Variants in LRBA observed in about 807,000 individuals in gnomAD.
The protein encoded by LRBA is lipopolysaccharide-responsive and beige-like anchor protein.
In LRBA, 176 loss-of-function variants were observed where a neutral mutation model predicts 330.0. The ratio of observed to expected loss-of-function variants is 0.53; its 90% confidence interval spans 0.47 to 0.60. LRBA has a LOEUF of 0.60. Among genes scored for constraint, LRBA ranks in the 20% least tolerant of loss-of-function variants. The pLI is 0.00. For missense variants in LRBA, 3,259 were observed against 3,444.8 expected, an observed-to-expected ratio of 0.95 and a Z score of 1.35; for synonymous variants, 1,230 against 1,193.0, an observed-to-expected ratio of 1.03 and a Z score of -0.64.
At chr4:150,750,776 C>T (rs1383697779) in intron 35 of LRBA, among the ~76,000 whole-genome samples, 2 of 151,880 alleles carry the variant, frequency 1.3e-5, no homozygotes, top group African/African-American at 4.8e-5. Context: ...GTAGGTACGG[C>T]ATATATTATA....
intron 37 of LRBA, among the ~76,000 whole-genome samples, chr4:150,616,939 A>C (rs542942818): frequency 6.6e-6 from 1 of 152,334 alleles, no homozygotes; most frequent in East Asian, 1.9e-4. Flanking sequence ...GAAAAGATAA[A>C]AAGTCAAAAT....
At chr4:150,483,431 AACT>A (rs1757520186) in intron 42 of LRBA, among the ~76,000 whole-genome samples, 2 of 151,844 alleles carry the variant, frequency 1.3e-5, no homozygotes, top group Admixed American at 1.3e-4. Context: ...AAATTGTTTA[AACT>A]ATTCTGGATA....
At chr4:150,455,803 A>G (rs1753984898) in intron 44 of LRBA, among the ~76,000 whole-genome samples, 1 of 151,320 alleles carries the variant, frequency 6.6e-6, no homozygotes, top group Non-Finnish European at 1.5e-5. Flanking sequence ...CCCTACCTAT[A>G]CTCCATTCCC....
intron 40 of LRBA, among the ~76,000 whole-genome samples, chr4:150,569,184 C>A (rs931197515): frequency 6.6e-6 from 1 of 151,892 alleles, no homozygotes; most frequent in African/African-American, 2.4e-5. Flanking sequence ...GAAAAAAATA[C>A]CGTGACAAAA....
intron 28 of LRBA, among the ~76,000 whole-genome samples, chr4:150,836,100 C>T (rs1045260069): frequency 1.3e-5 from 2 of 152,094 alleles, no homozygotes; most frequent in Non-Finnish European, 2.9e-5. Flanking sequence ...TGCTGGATTA[C>T]GTTTATTGAT....
chr4:150,921,962 AT>A (rs1172738677), intron 4 of LRBA, among the ~76,000 whole-genome samples: 1 of 152,148 alleles, frequency 6.6e-6, no homozygotes, highest in Non-Finnish European at 1.5e-5. Flanking sequence ...ACCTCAGGTG[AT>A]CCACCTGCCT....
At chr4:150,922,117 T>C (rs1378771167) in intron 4 of LRBA, among the ~76,000 whole-genome samples, 1 of 151,950 alleles carries the variant, frequency 6.6e-6, no homozygotes, top group East Asian at 1.9e-4. Flanking sequence ...TGCCTCAGCC[T>C]CACAAAGTGC....
chr4:150,688,915 T>C (rs1360529359), intron 36 of LRBA, among the ~76,000 whole-genome samples: 1 of 152,166 alleles, frequency 6.6e-6, no homozygotes, highest in Non-Finnish European at 1.5e-5. Flanking sequence ...TTCTCAAGGA[T>C]CTAGAACTAG....
At chr4:150,327,450 G>A (rs1023725684) in intron 48 of LRBA, among the ~76,000 whole-genome samples, 2 of 152,106 alleles carry the variant, frequency 1.3e-5, no homozygotes, top group African/African-American at 4.8e-5. Flanking sequence ...CACTGTACAA[G>A]CCAGACCTGT....
At chr4:150,740,472 C>G (rs1731796580) in intron 35 of LRBA, among the ~76,000 whole-genome samples, 1 of 151,530 alleles carries the variant, frequency 6.6e-6, no homozygotes, top group African/African-American at 2.4e-5. Context: ...TTAGGAGGGT[C>G]ACTGGATTTA....
intron 22 of LRBA, among the ~76,000 whole-genome samples, chr4:150,860,698 G>T (rs916818957): frequency 2.0e-5 from 3 of 152,096 alleles, no homozygotes; most frequent in East Asian, 3.9e-4. Flanking sequence ...ATGGTGGCAG[G>T]CGCCTGTAGT....
chr4:150,854,526 G>A (rs1750991592), intron 22 of LRBA, among the ~76,000 whole-genome samples: 1 of 152,134 alleles, frequency 6.6e-6, no homozygotes, highest in African/African-American at 2.4e-5. Context: ...TCTAAAGAAG[G>A]TGTCAGAAAA....
At chr4:150,497,240 T>C (rs1479714545) in intron 40 of LRBA, among the ~76,000 whole-genome samples, 1 of 152,182 alleles carries the variant, frequency 6.6e-6, no homozygotes, top group Non-Finnish European at 1.5e-5. Flanking sequence ...TTTACTCAAA[T>C]AATATTGAAT....
rs150879069 is a variant in LRBA at position 150,828,588 on chromosome 4, G to A, written c.4763C>T (p.Thr1588Met). 6.2e-6 allele frequency: 10 copies of A among 1,613,884 alleles called. No individual in the cohort carries two copies. Among genetic ancestry groups the A allele is most frequent in the Middle Eastern group, 1.7e-4 (1 of 6,054 alleles). The part of the protein sequence containing the change: ...ITPAAFSTLT[T>M]ASVEESESTS... The stretch of plus-strand genomic sequence containing the variant: ...GCTTTCAGATTCTTCCACTGATGCC[G>A]TAGTTAAAGTGCTGAATGCTGCTGG... Residue 1588 changes from threonine to methionine, a missense_variant, in exon 30 of 57, where the codon ACG (threonine) becomes ATG (methionine). Coordinates refer to ENST00000651943, the MANE Select transcript of LRBA (RefSeq NM_001364905.1).
chr4:150,354,849 C>A (rs1737622331), intron 47 of LRBA, among the ~76,000 whole-genome samples: 1 of 151,570 alleles, frequency 6.6e-6, no homozygotes. Context: ...AGAATATCAA[C>A]AAAGTTTTAA....
chr4:150,650,802 A>G (rs1779635925), intron 37 of LRBA, among the ~76,000 whole-genome samples: 1 of 152,174 alleles, frequency 6.6e-6, no homozygotes, highest in African/African-American at 2.4e-5. Context: ...CAAAAAAAAA[A>G]GTCTACTTCT....
chr4:150,841,014 C>T (rs1410695543), intron 28 of LRBA: 1 of 1,257,728 alleles, frequency 8.0e-7, no homozygotes, highest in East Asian at 5.8e-5. Flanking sequence ...CTGACAAAAT[C>T]TATGATATTT....
At chr4:150,787,643 C>T (rs1297516941) in intron 34 of LRBA, among the ~76,000 whole-genome samples, 6 of 152,130 alleles carry the variant, frequency 3.9e-5, no homozygotes, top group East Asian at 3.9e-4. Flanking sequence ...TCCCCTCAAG[C>T]GTTTATCCTT....
chr4:150,674,187 G>A (rs1309808274), intron 37 of LRBA, among the ~76,000 whole-genome samples: 1 of 150,476 alleles, frequency 6.6e-6, no homozygotes, highest in Non-Finnish European at 1.5e-5. Flanking sequence ...TTTGGTTTTG[G>A]GGTTTTTTTT....
Sources: allele counts gnomAD v4.1 joint callset (sites outside exome capture counted in the v4.1 genomes callset), GRCh38; gene constraint gnomAD v4.1.1; transcripts MANE v1.5; gene names NCBI Gene and HGNC (gene_info 2026-07-23, HGNC 2026-07-21).